The following TDRD1 variants were observed in gnomAD, a reference collection of about 807,000 sequenced individuals.
The protein encoded by TDRD1 is tudor domain-containing protein 1.
TDRD1 carries 37 observed loss-of-function variants against 140.6 expected under a neutral mutation model. The ratio of observed to expected loss-of-function variants is 0.26; its 90% CI spans 0.20 to 0.35. The LOEUF is 0.35. Ranked by LOEUF, TDRD1 falls within the 10% of genes least tolerant of loss-of-function variation. The probability of loss-of-function intolerance (pLI) is 1.00; values close to 1 mark genes in which losing one functional copy is unlikely to be tolerated. For synonymous variants in TDRD1, 506 were observed against 475.7 expected (o/e 1.06, Z -0.83); for missense variants, 1,243 against 1,393.0 (o/e 0.89, Z 1.71).
intron 21 of TDRD1, among the ~76,000 whole-genome samples, chr10:114,225,310 T>C (rs2036370717): frequency 6.6e-6 from 1 of 152,184 alleles, no homozygotes; most frequent in Non-Finnish European, 1.5e-5. Flanking sequence ...TGCAAGTAAC[T>C]CTGCTTCCTT....
At chr10:114,222,518 T>C in intron 20 of TDRD1, 69 bp from the exon 21 acceptor site, 1 of 799,536 alleles carries the variant, frequency 1.3e-6, no homozygotes, top group Non-Finnish European at 2.0e-6. Flanking sequence ...AGACTTGCCA[T>C]TCTTTTGTAT....
intron 2 of TDRD1, 101 bp downstream of exon 2, chr10:114,188,257 G>A (rs2033689900): frequency 4.1e-6 from 4 of 975,700 alleles, no homozygotes; most frequent in Non-Finnish European, 6.0e-6. Flanking sequence ...TAGCAGAACA[G>A]GCACATGACT....
chr10:114,220,033 A>ATT (rs2036047708), intron 18 of TDRD1, among the ~76,000 whole-genome samples: 1 of 152,242 alleles, frequency 6.6e-6, no homozygotes, highest in Non-Finnish European at 1.5e-5. Flanking sequence ...CAAAATTAGA[A>ATT]ACTCTGGGTA....
chr10:114,196,458 A>C (rs1229340442), intron 3 of TDRD1, among the ~76,000 whole-genome samples: 1 of 152,098 alleles, frequency 6.6e-6, no homozygotes, highest in Non-Finnish European at 1.5e-5. Flanking sequence ...AGCTTGAAAA[A>C]TGTTTTGTCA....
At chr10:114,204,078 G>T (rs779950895) in exon 9 of TDRD1, 2 of 1,603,558 alleles carry the variant, frequency 1.2e-6, no homozygotes, top group East Asian at 2.2e-5. Flanking sequence ...TTCAGACCTG[G>T]AACAGAGCAA....
At position 114,221,352 on chromosome 10, in the gene TDRD1, T is replaced by C. The variant is rs758576723; in HGVS notation, c.2771-5T>C. ...GTGTGAGACCTGTGTTTTGTATGTT[T>C]CCAGCTACCTCTTCAGCTGAGCAAT... On this transcript the variant is annotated splice_polypyrimidine_tract_variant and splice_region_variant and intron_variant, in intron 19 of 25. Coordinates refer to ENST00000251864, the Ensembl canonical transcript of TDRD1. 1 of 1,612,764 alleles carries C rather than the reference T, an allele frequency of 6.2e-7. No homozygotes were observed. The highest frequency in any genetic ancestry group is 2.2e-5 in the East Asian group (1 of 44,832).
intron 14 of TDRD1, 120 bp from the exon 15 acceptor site, chr10:114,213,226 G>C (rs2035600199): frequency 1.2e-6 from 1 of 867,044 alleles, no homozygotes; most frequent in Non-Finnish European, 1.7e-6. Context: ...CTTCTTAAGT[G>C]ACACGTTTCC....
intron 1 of TDRD1, among the ~76,000 whole-genome samples, chr10:114,180,585 C>T (rs1442932403): frequency 6.6e-6 from 1 of 152,182 alleles, no homozygotes; most frequent in African/African-American, 2.4e-5. Context: ...CCAGCCTCAG[C>T]CTTCCTAGTA....
chr10:114,211,048 G>C (rs747151640), intron 13 of TDRD1, 81 bp downstream of exon 13: 36 of 1,165,912 alleles, frequency 3.1e-5, no homozygotes, highest in Non-Finnish European at 4.3e-5. Context: ...CATTGAAACA[G>C]AGTCTTTGGT....
intron 1 of TDRD1, among the ~76,000 whole-genome samples, chr10:114,185,884 T>G (rs1021176311): frequency 2.0e-5 from 3 of 152,196 alleles, no homozygotes; most frequent in African/African-American, 7.2e-5. Flanking sequence ...CCACCGTGCC[T>G]GGCCTAACGT....
intron 19 of TDRD1, 61 bp from the exon 20 acceptor site, chr10:114,221,296 G>T: frequency 6.7e-7 from 1 of 1,497,772 alleles, no homozygotes; most frequent in Non-Finnish European, 9.2e-7. Flanking sequence ...ATATGTTACT[G>T]AGGAAAACAA....
intron 23 of TDRD1, 99 bp from the exon 24 acceptor site, chr10:114,227,811 A>T: frequency 1.1e-6 from 1 of 873,284 alleles, no homozygotes; most frequent in Middle Eastern, 3.5e-4. Context: ...GTCGGAACCC[A>T]TGCGCAAGGG....
chr10:114,232,504 CTTTTTTTTTTTTT>C (rs140805425), downstream of TDRD1, among the ~76,000 whole-genome samples: 134 of 81,688 alleles, frequency 1.6e-3, no homozygotes, highest in Middle Eastern at 0.01. Flanking sequence ...ACTTGAAAGA[CTTTTTTTTTTTTT>C]TTTTTTTTTT....
At chr10:114,228,349 C>T (rs1479837499) in intron 25 of TDRD1, 1 of 1,290,368 alleles carries the variant, frequency 7.7e-7, no homozygotes, top group African/African-American at 1.5e-5. Context: ...CAGGGGTATT[C>T]CAGTTGTAAT....
chr10:114,192,461 C>T (rs182081455), intron 3 of TDRD1, among the ~76,000 whole-genome samples: 13 of 151,706 alleles, frequency 8.6e-5, no homozygotes, highest in African/African-American at 2.7e-4. Flanking sequence ...GCCGCCACTA[C>T]GCCTGGCTAA....
chr10:114,214,068 GAT>G lies in TDRD1; in HGVS notation c.2172_2173del (p.Tyr724Ter). 1 of 1,613,638 alleles carries G rather than the reference GAT, an allele frequency of 6.2e-7. No homozygotes were observed. Among genetic ancestry groups the G allele is most frequent in the East Asian group, 2.2e-5 (1 of 44,872 alleles). Reference sequence around the variant, plus strand: ...AAACAGTAGATGTTGTGGTCTGTGTGATATATAGTCCTGGAGAATTTTATTGC... The same window carrying G: ...AAACAGTAGATGTTGTGGTCTGTGTGATATAGTCCTGGAGAATTTTATTGC... On this transcript the variant is annotated frameshift_variant, in exon 16 of 26. Transcript: ENST00000251864. LOFTEE classifies it high-confidence loss of function.
intron 3 of TDRD1, among the ~76,000 whole-genome samples, chr10:114,197,319 GATT>G (rs2034431133): frequency 6.6e-6 from 1 of 152,120 alleles, no homozygotes; most frequent in South Asian, 2.1e-4. Context: ...CAAGTTTACT[GATT>G]GTTTCCTGTT....
At chr10:114,190,725 T>C (rs1404113260) in intron 2 of TDRD1, among the ~76,000 whole-genome samples, 1 of 152,202 alleles carries the variant, frequency 6.6e-6, no homozygotes, top group Admixed American at 6.5e-5. Context: ...TGACCTCAAG[T>C]GATCCACCTG....
intron 3 of TDRD1, among the ~76,000 whole-genome samples, chr10:114,194,734 T>C (rs2034217261): frequency 1.3e-5 from 2 of 151,136 alleles, no homozygotes; most frequent in Non-Finnish European, 2.9e-5. Context: ...TTTTTTTGTT[T>C]GTCTTTTTAG....
Sources: allele counts gnomAD v4.1 joint callset (sites outside exome capture counted in the v4.1 genomes callset), GRCh38; gene constraint gnomAD v4.1.1; transcripts MANE v1.5; gene names NCBI Gene and HGNC (gene_info 2026-07-23, HGNC 2026-07-21).